SASH1: variants seen among roughly 807,000 people sequenced by gnomAD.
The protein encoded by SASH1 is SAM and SH3 domain containing 1.
A neutral mutation model predicts 125.2 loss-of-function variants in SASH1; 44 were observed. The ratio of observed to expected loss-of-function variants is 0.35; its 90% CI spans 0.28 to 0.45. The LOEUF (loss-of-function observed/expected upper bound fraction) is 0.45. Among genes scored for constraint, SASH1 ranks in the 20% least tolerant of loss-of-function variants. The probability of loss-of-function intolerance (pLI) is 1.00; values close to 1 mark genes in which losing one functional copy is unlikely to be tolerated. For missense variants in SASH1, 1,426 were observed against 1,614.5 expected (o/e 0.88, Z 2.00); for synonymous variants, 639 against 649.1 (o/e 0.98, Z 0.24).
the SASH1 span, among the ~76,000 whole-genome samples, chr6:148,246,174 C>T: frequency 6.6e-6 from 1 of 152,046 alleles, no homozygotes. Context: ...ATAGATTACC[C>T]ATATTCTTGA....
chr6:148,539,375 T>A (rs1782078826), intron 16 of SASH1, among the ~76,000 whole-genome samples: 1 of 152,054 alleles, frequency 6.6e-6, no homozygotes, highest in Non-Finnish European at 1.5e-5. Flanking sequence ...CTCTTCTGAC[T>A]CTCTGAAGTC....
At chr6:148,195,038 A>G in the SASH1 span, among the ~76,000 whole-genome samples, 2 of 152,252 alleles carry the variant, frequency 1.3e-5, no homozygotes, top group South Asian at 4.1e-4. Context: ...ATTTCTAAAC[A>G]TAACTAAAAA....
chr6:148,345,816 T>C (rs1229788147), intron 1 of SASH1, among the ~76,000 whole-genome samples: 1 of 152,182 alleles, frequency 6.6e-6, no homozygotes, highest in Non-Finnish European at 1.5e-5. Context: ...GTTAGACTTG[T>C]CCCTGGTCGC....
At chr6:148,411,337 T>C (rs1051567751) in intron 2 of SASH1, among the ~76,000 whole-genome samples, 4 of 152,088 alleles carry the variant, frequency 2.6e-5, no homozygotes, top group Non-Finnish European at 5.9e-5. Context: ...AAATACAATA[T>C]AAAAATATTT....
intron 7 of SASH1, among the ~76,000 whole-genome samples, chr6:148,484,177 G>T (rs1018467243): frequency 1.3e-5 from 2 of 152,086 alleles, no homozygotes; most frequent in African/African-American, 4.8e-5. Flanking sequence ...AGTAGAAATT[G>T]GAACATTATG....
At chr6:148,453,349 TATC>T (rs1165752647) in intron 4 of SASH1, among the ~76,000 whole-genome samples, 1 of 152,182 alleles carries the variant, frequency 6.6e-6, no homozygotes, top group Admixed American at 6.5e-5. Context: ...AGTAAATAAA[TATC>T]ATTCCTATAC....
At chr6:148,484,181 C>T (rs1182748713) in intron 7 of SASH1, among the ~76,000 whole-genome samples, 1 of 152,086 alleles carries the variant, frequency 6.6e-6, no homozygotes, top group African/African-American at 2.4e-5. Context: ...GAAATTGGAA[C>T]ATTATGATAT....
At position 148,525,328 on chromosome 6, in the gene SASH1, G is replaced by T; in HGVS notation, c.1247G>T (p.Arg416Leu). ...TTTGGAGGATTTGACTTGACGAATC[G>T]CTCTCTGCACGTTGGCAGTAATAAT... is the stretch of plus-strand genomic sequence containing the variant. Reference protein sequence around the residue: ...CSFGGFDLTNRSLHVGSNNSD... With the variant: ...CSFGGFDLTNLSLHVGSNNSD... The change falls in exon 11 of 20, where the codon CGC (arginine) becomes CTC (leucine). Residue 416 changes from arginine (R) to leucine (L), a missense_variant. Coordinates refer to ENST00000367467, the MANE Select transcript of SASH1 (RefSeq NM_015278.5). 6.2e-7 allele frequency: 1 copy of T among 1,613,908 alleles called. No homozygotes were observed. The highest frequency in any genetic ancestry group is 8.5e-7 in the Non-Finnish European group (1 of 1,179,922).
chr6:148,339,004 T>TAAAA (rs760321688), upstream of SASH1, among the ~76,000 whole-genome samples: 9 of 88,200 alleles, frequency 1.0e-4, no homozygotes, highest in Admixed American at 3.1e-4. Flanking sequence ...ACTCTGTCTT[T>TAAAA]AAAAAAAAAA....
chr6:148,308,984 T>C (rs556727137), intron 1 of SASH1, among the ~76,000 whole-genome samples: 402 of 148,108 alleles, frequency 2.7e-3, no homozygotes, highest in African/African-American at 8.3e-3. Context: ...CTCAGGAGGC[T>C]GAGGCAGGAG....
the SASH1 span, among the ~76,000 whole-genome samples, chr6:148,224,561 A>G: frequency 1.3e-5 from 2 of 152,102 alleles, no homozygotes; most frequent in Non-Finnish European, 2.9e-5. Context: ...GGGTTTCACC[A>G]TGTTAGCCAG....
intron 1 of SASH1, among the ~76,000 whole-genome samples, chr6:148,355,665 A>T (rs1445084979): frequency 6.6e-6 from 1 of 152,146 alleles, no homozygotes; most frequent in African/African-American, 2.4e-5. Context: ...ATAGTGGAAG[A>T]GCTTCCATAG....
At chr6:148,468,049 C>G (rs1368875059) in intron 4 of SASH1, among the ~76,000 whole-genome samples, 2 of 152,232 alleles carry the variant, frequency 1.3e-5, no homozygotes, top group African/African-American at 2.4e-5. Context: ...ACTGGCCGCC[C>G]CCTTTATTAG....
intron 1 of SASH1, among the ~76,000 whole-genome samples, chr6:148,346,862 T>C (rs972271564): frequency 6.6e-6 from 1 of 152,224 alleles, no homozygotes; most frequent in Non-Finnish European, 1.5e-5. Context: ...TCTTGTGAAA[T>C]GTGCCATTCT....
Position 148,544,894 on chromosome 6 carries a change from AC to A in SASH1, c.3348+77del. 1.4e-6 allele frequency: 2 copies of A among 1,427,074 alleles called. No individual in the cohort carries two copies. Among genetic ancestry groups the A allele is most frequent in the Non-Finnish European group, 1.9e-6 (2 of 1,072,120 alleles). The allele number at this position is 1,427,074 out of a possible 1,614,324, so 88.4% of individuals were successfully genotyped here. A position where few individuals can be genotyped will look rare whatever the true frequency, so the allele number is the denominator to read the frequency against. Reference sequence around the variant, plus strand: ...TCAGGCAGCCAGGTGAGATGAACCCACATCTGAAGCCAGCCCGGTAGCCCGC... The same window carrying A: ...TCAGGCAGCCAGGTGAGATGAACCCAATCTGAAGCCAGCCCGGTAGCCCGC... On this transcript the variant is annotated intron_variant, in intron 18 of 19. Coordinates refer to ENST00000367467, the MANE Select transcript of SASH1 (RefSeq NM_015278.5). The surrounding 1 kb of genome is among the most constrained non-coding windows in gnomAD (Gnocchi z 6.4).
chr6:148,260,388 T>C, the SASH1 span, among the ~76,000 whole-genome samples: 1 of 151,998 alleles, frequency 6.6e-6, no homozygotes, highest in Admixed American at 6.6e-5. Flanking sequence ...GGGAGGATCA[T>C]CTGAGCCCAG....
intron 1 of SASH1, among the ~76,000 whole-genome samples, chr6:148,304,900 G>A (rs1042912977): frequency 2.0e-5 from 3 of 152,016 alleles, no homozygotes; most frequent in Non-Finnish European, 4.4e-5. Flanking sequence ...TGGTGATGGC[G>A]GGTGCCTGTA....
chr6:148,521,863 A>G (rs1780832939), intron 10 of SASH1, among the ~76,000 whole-genome samples: 1 of 152,142 alleles, frequency 6.6e-6, no homozygotes, highest in South Asian at 2.1e-4. Flanking sequence ...TTAATTGATG[A>G]CTCACCTCTG....
At chr6:148,461,972 T>C (rs1318604832) in intron 4 of SASH1, among the ~76,000 whole-genome samples, 1 of 152,194 alleles carries the variant, frequency 6.6e-6, no homozygotes, top group African/African-American at 2.4e-5. Flanking sequence ...CTTCAACCTT[T>C]TAACCTTCCC....
Sources: allele counts gnomAD v4.1 joint callset (sites outside exome capture counted in the v4.1 genomes callset), GRCh38; gene constraint gnomAD v4.1.1; non-coding constraint Gnocchi (gnomAD v3.1); transcripts MANE v1.5; gene names NCBI Gene and HGNC (gene_info 2026-07-23, HGNC 2026-07-21).